The following THRAP3 variants were observed in gnomAD, a reference collection of about 807,000 sequenced individuals.
THRAP3 encodes the protein thyroid hormone receptor associated protein 3.
A neutral mutation model predicts 101.0 loss-of-function variants in THRAP3; 16 were observed. That is an observed-to-expected ratio of 0.16 (90% CI 0.11 to 0.24). The LOEUF is 0.24. Among genes scored for constraint, THRAP3 ranks in the 10% least tolerant of loss-of-function variants. THRAP3 has a pLI of 1.00. For missense variants in THRAP3, 989 were observed against 1,202.7 expected (o/e 0.82, Z 2.63); for synonymous variants, 407 against 422.6 (o/e 0.96, Z 0.45).
intron 1 of THRAP3, among the ~76,000 whole-genome samples, chr1:36,247,547 A>G (rs1158167979): frequency 2.0e-5 from 3 of 151,938 alleles, no homozygotes; most frequent in East Asian, 3.9e-4. Context: ...GCTGGTTTTG[A>G]ACTCCTGACC....
Position 36,296,647 on chromosome 1 carries a change from A to G in THRAP3, c.2180A>G (p.His727Arg). The part of the protein sequence containing the change: ...LRLDIERRKK[H>R]KERDLKRGKS... ...CTTGATATTGAACGTCGTAAAAAAC[A>G]TAAGGAGAGAGATCTTAAACGAGGT... The change falls in exon 9 of 12, where the codon CAT becomes CGT. Residue 727 changes from histidine to arginine, a missense_variant. Transcript: ENST00000354618. 9 of 1,606,540 alleles carry G rather than the reference A, an allele frequency of 5.6e-6. No individual in the cohort carries two copies. The highest frequency in any genetic ancestry group is 5.1e-6 in the Non-Finnish European group (6 of 1,178,270).
intron 4 of THRAP3, 170 bp downstream of exon 4, chr1:36,287,440 A>ATCGT (rs1645810982): frequency 1.0e-6 from 1 of 984,266 alleles, no homozygotes; most frequent in Non-Finnish European, 1.2e-6. Context: ...CTTTAGGTTA[A>ATCGT]CTCTAGCTTT....
At chr1:36,244,337 C>A (rs1394080098) in intron 1 of THRAP3, among the ~76,000 whole-genome samples, 1 of 151,900 alleles carries the variant, frequency 6.6e-6, no homozygotes, top group Non-Finnish European at 1.5e-5. Context: ...TTTCTGAACT[C>A]TGTGTCAAAT....
rs71053916 is a variant in THRAP3, at chr1:36,252,927, CATATATATATATATATATATATATAT to C, written c.-134-6437_-134-6412del. 2.3e-3 allele frequency among the ~76,000 whole-genome samples: 177 copies of C among 76,576 alleles called. 1 individual carries two copies. The highest frequency in any genetic ancestry group is 7.4e-3 in the Middle Eastern group (1 of 136). The allele number at this position is 76,576 out of a possible 152,430, so 50.2% of individuals were successfully genotyped here. A position where few individuals can be genotyped will look rare whatever the true frequency, so the allele number is the denominator to read the frequency against. On this transcript the variant is annotated intron_variant, in intron 1 of 11. Coordinates refer to ENST00000354618, the MANE Select transcript of THRAP3 (RefSeq NM_005119.4). Reference sequence around the variant, plus strand: ...GTCTCAAAAAATATATATAGATAGGCATATATATATATATATATATATATATATATATATATATATATAAATGTAAA... The same window carrying C: ...GTCTCAAAAAATATATATAGATAGGCATATATATATATATATAAATGTAAA...
chr1:36,249,101 T>C (rs1414992962), intron 1 of THRAP3, among the ~76,000 whole-genome samples: 1 of 151,960 alleles, frequency 6.6e-6, no homozygotes, highest in Non-Finnish European at 1.5e-5. Context: ...TTAGCCAGGC[T>C]GGTCTCAAAC....
At chr1:36,217,431 C>A in the THRAP3 span, among the ~76,000 whole-genome samples, 1 of 151,990 alleles carries the variant, frequency 6.6e-6, no homozygotes, top group Non-Finnish European at 1.5e-5. Flanking sequence ...GAGACTGGAA[C>A]CTTGGGGTAA....
At position 36,259,820 on chromosome 1, in the gene THRAP3, A is replaced by C. The variant is rs922296569; in HGVS notation, c.-32+336A>C. On this transcript the variant is annotated intron_variant, in intron 2 of 11. Transcript: ENST00000354618. ...ATTATCCAGATGATTCGTTAATGGA[A>C]GTTCTGGGTTCTTATGAAACAGTAT... 3.9e-5 allele frequency among the ~76,000 whole-genome samples: 6 copies of C among 152,088 alleles called. 1 individual carries two copies. The highest frequency in any genetic ancestry group is 5.9e-5 in the Non-Finnish European group (4 of 68,018).
intron 1 of THRAP3, among the ~76,000 whole-genome samples, chr1:36,241,562 T>TTA (rs1203546704): frequency 6.6e-6 from 1 of 151,160 alleles, no homozygotes; most frequent in Non-Finnish European, 1.5e-5. Context: ...TGACTGAAGT[T>TTA]TAAGATCCGC....
chr1:36,300,323 C>T (rs565053573), intron 9 of THRAP3, among the ~76,000 whole-genome samples: 42 of 152,324 alleles, frequency 2.8e-4, no homozygotes, highest in African/African-American at 1.0e-3. Flanking sequence ...GCTCGCTTCT[C>T]TCACCTGAGC....
At chr1:36,239,359 C>T (rs937081475) in intron 1 of THRAP3, among the ~76,000 whole-genome samples, 1 of 149,632 alleles carries the variant, frequency 6.7e-6, no homozygotes, top group African/African-American at 2.5e-5. Context: ...GCCCCTGCAC[C>T]GGCTTTCAGC....
intron 9 of THRAP3, among the ~76,000 whole-genome samples, chr1:36,298,968 A>G (rs1325876416): frequency 1.3e-5 from 2 of 151,838 alleles, no homozygotes; most frequent in Non-Finnish European, 2.9e-5. Flanking sequence ...CTAATTTTGT[A>G]TTTCTTGTAG....
intron 8 of THRAP3, chr1:36,294,284 C>A: frequency 1.0e-6 from 1 of 974,696 alleles, no homozygotes; most frequent in Non-Finnish European, 1.2e-6. Context: ...CTATTTCCAA[C>A]CATGATTTCA....
intron 3 of THRAP3, among the ~76,000 whole-genome samples, chr1:36,285,328 T>C (rs1645781830): frequency 6.6e-6 from 1 of 152,348 alleles, no homozygotes; most frequent in Non-Finnish European, 1.5e-5. Flanking sequence ...TTAATGTCAA[T>C]GATCTATATC....
chr1:36,236,583 AC>A (rs1377197281), intron 1 of THRAP3, among the ~76,000 whole-genome samples: 2 of 151,780 alleles, frequency 1.3e-5, no homozygotes, highest in Non-Finnish European at 2.9e-5. Flanking sequence ...GGCTTAAGCT[AC>A]CACTGCACCA....
intron 10 of THRAP3, 60 bp from the exon 11 acceptor site, chr1:36,301,493 G>A: frequency 6.3e-7 from 1 of 1,577,856 alleles, no homozygotes. Flanking sequence ...AAAAGCAGGG[G>A]GGTTTGTTCC....
chr1:36,213,909 G>GAGAAAGAA, the THRAP3 span, among the ~76,000 whole-genome samples: 715 of 80,236 alleles, frequency 8.9e-3, 49 homozygotes, highest in Middle Eastern at 0.017. Flanking sequence ...AAGAAGGAAA[G>GAGAAAGAA]AGAAAGAAAG....
chr1:36,305,323 C>G lies in THRAP3; in HGVS notation c.*1306C>G, dbSNP rs1462863191. The stretch of plus-strand genomic sequence containing the variant: ...TCCCTTAAAATTTGTTTCAACTCCT[C>G]CTGCAAATAAAATAAATGAAGTGGC... On this transcript the variant is annotated 3_prime_UTR_variant, in exon 12 of 12. Coordinates refer to ENST00000354618, the MANE Select transcript of THRAP3 (RefSeq NM_005119.4). 2.1e-5 allele frequency: 4 copies of G among 189,436 alleles called. No individual in the cohort carries two copies. The highest frequency in any genetic ancestry group is 7.0e-5 in the African/African-American group (3 of 42,820). The allele number at this position is 189,436 out of a possible 1,614,324, so 11.7% of individuals were successfully genotyped here. A position where few individuals can be genotyped will look rare whatever the true frequency, so the allele number is the denominator to read the frequency against.
intron 2 of THRAP3, 53 bp downstream of exon 2, chr1:36,259,537 A>G (rs752598084): frequency 3.0e-5 from 12 of 397,952 alleles, no homozygotes; most frequent in Non-Finnish European, 2.2e-5. Flanking sequence ...TGTAAAACCA[A>G]TCTTACGTTA....
In THRAP3 at chr1:36,248,189, T is replaced by C. The variant is rs917078243; in HGVS notation, c.-134-11193T>C. Among the ~76,000 whole-genome samples the C allele has an allele frequency of 9.8e-5, 15 of 152,310 alleles. No individual in the cohort carries two copies. The East Asian group carries it at 2.9e-3, about 29-fold the overall frequency. On this transcript the variant is annotated intron_variant, in intron 1 of 11. Transcript: ENST00000354618. ...GCCACGGTGCCCAGCCTCCTTCATC[T>C]TTTAATATTTAAAAAAATTATTCTT... is the stretch of plus-strand genomic sequence containing the variant.
Sources: allele counts gnomAD v4.1 joint callset (sites outside exome capture counted in the v4.1 genomes callset), GRCh38; gene constraint gnomAD v4.1.1; transcripts MANE v1.5; gene names NCBI Gene and HGNC (gene_info 2026-07-23, HGNC 2026-07-21).